Variants in NR1D2 observed in about 807,000 individuals in gnomAD.
NR1D2 encodes the protein V-erbA-related protein 1-related.
In NR1D2, 25 loss-of-function variants were observed where a neutral mutation model predicts 52.2. The ratio of observed to expected loss-of-function variants is 0.48; its 90% confidence interval spans 0.35 to 0.67. The LOEUF is 0.67. Among genes scored for constraint, NR1D2 ranks in the 30% least tolerant of loss-of-function variants. NR1D2 has a pLI of 0.01. For missense variants in NR1D2, 681 were observed against 707.2 expected, an observed-to-expected ratio of 0.96 and a Z score of 0.42; for synonymous variants, 259 against 230.1, an observed-to-expected ratio of 1.13 and a Z score of -1.14.
At position 23,945,534 on chromosome 3, in the gene NR1D2, C is replaced by T; in HGVS notation, c.-45C>T. 3 of 1,127,902 alleles carry T rather than the reference C, an allele frequency of 2.7e-6. No homozygotes were observed. Among genetic ancestry groups the T allele is most frequent in the Middle Eastern group, 7.3e-4 (2 of 2,744 alleles). The allele number at this position is 1,127,902 out of a possible 1,614,324, so 69.9% of individuals were successfully genotyped here. A position where few individuals can be genotyped will look rare whatever the true frequency, so the allele number is the denominator to read the frequency against. ...TGAGGCGGCGGCGGCGGCGCTGCCC[C>T]CTCTGCGGGAAGCGGGCGGCCCCGG... On this transcript the variant is annotated 5_prime_UTR_variant, in exon 1 of 8. Coordinates refer to ENST00000312521, the MANE Select transcript of NR1D2 (RefSeq NM_005126.5).
At position 23,965,013 on chromosome 3, in the gene NR1D2, C is replaced by T; in HGVS notation, c.1183C>T (p.His395Tyr). The T allele has an allele frequency of 1.2e-6, 2 of 1,613,512 alleles. No individual in the cohort carries two copies. The highest frequency in any genetic ancestry group is 8.5e-7 in the Non-Finnish European group (1 of 1,179,620). ...PMSKSPYVDPHKSGHEIWEEF... is the reference protein window; with the variant it reads ...PMSKSPYVDPYKSGHEIWEEF... ...GAGTAAGTCTCCATATGTGGATCCT[C>T]ATAAATCAGGACATGAAATCTGGGA... The change falls in exon 6 of 8, where the codon CAT (histidine) becomes TAT (tyrosine). Residue 395 changes from histidine to tyrosine, a missense_variant. By Grantham distance (83) the His-to-Tyr change is moderately conservative. Coordinates refer to ENST00000312521, the MANE Select transcript of NR1D2 (RefSeq NM_005126.5).
At chr3:23,965,499 T>G (rs940317506) in intron 6 of NR1D2, among the ~76,000 whole-genome samples, 1 of 151,756 alleles carries the variant, frequency 6.6e-6, no homozygotes, top group Non-Finnish European at 1.5e-5. Context: ...CTGCCCACTT[T>G]GGCCTCCTAA....
intron 1 of NR1D2, chr3:23,946,233 G>A: frequency 1.0e-6 from 1 of 985,436 alleles, no homozygotes. Flanking sequence ...TGCACCGGAC[G>A]CCGCACGCTC....
intron 7 of NR1D2, among the ~76,000 whole-genome samples, chr3:23,974,386 A>G (rs943571288): frequency 2.0e-5 from 3 of 152,128 alleles, no homozygotes; most frequent in Non-Finnish European, 4.4e-5. Flanking sequence ...AAAAGCTGCA[A>G]CGTCACTGGG....
intron 7 of NR1D2, among the ~76,000 whole-genome samples, chr3:23,976,790 A>C (rs981052783): frequency 6.6e-6 from 1 of 152,194 alleles, no homozygotes; most frequent in African/African-American, 2.4e-5. Flanking sequence ...TACCAGGATG[A>C]AGGGATCATT....
chr3:23,974,681 A>T (rs544002050), intron 7 of NR1D2, among the ~76,000 whole-genome samples: 1 of 152,288 alleles, frequency 6.6e-6, no homozygotes, highest in East Asian at 1.9e-4. Flanking sequence ...GGACTCTTCA[A>T]ATCATTACTG....
At position 23,956,144 on chromosome 3, in the gene NR1D2, T is replaced by C; in HGVS notation, c.372+19T>C. On this transcript the variant is annotated intron_variant, in intron 3 of 7. Coordinates refer to ENST00000312521, the MANE Select transcript of NR1D2 (RefSeq NM_005126.5). ...CTGTAAGGTAAAGCATGCTTTTGTT[T>C]CTTTAAGCTACTGATTCTGGGATTT... 6.3e-7 allele frequency: 1 copy of C among 1,586,028 alleles called. No individual in the cohort carries two copies. The highest frequency in any genetic ancestry group is 1.1e-5 in the South Asian group (1 of 90,536).
At chr3:23,973,030 T>C (rs948056242) in intron 7 of NR1D2, among the ~76,000 whole-genome samples, 2 of 152,242 alleles carry the variant, frequency 1.3e-5, no homozygotes, top group African/African-American at 4.8e-5. Flanking sequence ...TTTAAATTTT[T>C]TGTGTGACTT....
In NR1D2 at chr3:23,980,524, C is replaced by G. The variant is rs1261351655; in HGVS notation, c.*3105C>G. 6.6e-6 allele frequency: 1 copy of G among 151,802 alleles called. No homozygotes were observed. The highest frequency in any genetic ancestry group is 1.5e-5 in the Non-Finnish European group (1 of 67,930). The allele number at this position is 151,802 out of a possible 1,614,324, so 9.4% of individuals were successfully genotyped here. On this transcript the variant is annotated 3_prime_UTR_variant, in exon 8 of 8. Transcript: ENST00000312521. ...GGATATGAGTTAAGTTTATTTTCTA[C>G]AAACTGTAATTGATGAGGACATGGA...
intron 1 of NR1D2, among the ~76,000 whole-genome samples, chr3:23,949,542 G>A (rs1705867836): frequency 1.3e-5 from 2 of 152,158 alleles, no homozygotes; most frequent in African/African-American, 4.8e-5. Flanking sequence ...ACAATCATGT[G>A]TGTGAAACAT....
rs776589123 is a variant in NR1D2, at chr3:23,977,208, C to G, written c.1544-15C>G. 7.2e-7 allele frequency: 1 copy of G among 1,394,466 alleles called. No individual in the cohort carries two copies. Among genetic ancestry groups the G allele is most frequent in the East Asian group, 2.5e-5 (1 of 40,808 alleles). 86.4% of individuals were successfully genotyped at this position (1,394,466 alleles called of 1,614,324 possible). ...ATCCTGTTTTTCCTATTTCCCTATT[C>G]CTGATCTCTCTTAGATCGATCTGGA... On this transcript the variant is annotated splice_polypyrimidine_tract_variant and intron_variant, in intron 7 of 7. Transcript: ENST00000312521.
intron 7 of NR1D2, among the ~76,000 whole-genome samples, chr3:23,975,543 G>A (rs962114044): frequency 1.4e-4 from 21 of 152,210 alleles, no homozygotes; most frequent in South Asian, 4.1e-4. Flanking sequence ...AGGCCGAGGC[G>A]GGTGGATCAC....
intron 7 of NR1D2, among the ~76,000 whole-genome samples, chr3:23,969,716 G>T (rs1706538867): frequency 6.6e-6 from 1 of 152,164 alleles, no homozygotes; most frequent in Non-Finnish European, 1.5e-5. Flanking sequence ...CATTCTTTTT[G>T]GAGAGATGAA....
At chr3:23,947,151 T>C (rs2125278894) in intron 1 of NR1D2, among the ~76,000 whole-genome samples, 1 of 152,350 alleles carries the variant, frequency 6.6e-6, no homozygotes, top group Non-Finnish European at 1.5e-5. Context: ...ATTAAACTTC[T>C]ACATGTTAGA....
chr3:23,961,672 A>G (rs966166000), intron 4 of NR1D2, among the ~76,000 whole-genome samples: 1 of 151,936 alleles, frequency 6.6e-6, no homozygotes, highest in African/African-American at 2.4e-5. Flanking sequence ...CTGTGATTAG[A>G]AGCATGAGCT....
At chr3:23,951,010 A>AT (rs1275119334) in intron 1 of NR1D2, among the ~76,000 whole-genome samples, 3 of 146,270 alleles carry the variant, frequency 2.1e-5, no homozygotes, top group Admixed American at 7.1e-5. Flanking sequence ...GGTTCAAGTG[A>AT]TTCTCCTGTC....
At chr3:23,963,361 A>G (rs2125291922) in intron 5 of NR1D2, 2 of 1,315,768 alleles carry the variant, frequency 1.5e-6, no homozygotes, top group South Asian at 2.4e-5. Flanking sequence ...CATTTTCAAA[A>G]TAGTTGACTC....
intron 4 of NR1D2, among the ~76,000 whole-genome samples, chr3:23,961,070 T>C (rs1706227469): frequency 6.6e-6 from 1 of 152,228 alleles, no homozygotes. Context: ...AGTTTATTTT[T>C]CAGTAAGTGC....
At chr3:23,958,999 G>A (rs536157399) in intron 3 of NR1D2, among the ~76,000 whole-genome samples, 1 of 152,244 alleles carries the variant, frequency 6.6e-6, no homozygotes, top group East Asian at 1.9e-4. Flanking sequence ...AGTGGTGGTG[G>A]CTTACACCCT....
Sources: gnomAD v4.1 joint callset for allele counts (sites outside exome capture counted in the v4.1 genomes callset) on GRCh38, gnomAD v4.1.1 for gene constraint, MANE v1.5 for transcripts, NCBI Gene and HGNC (gene_info 2026-07-23, HGNC 2026-07-21) for gene names.